TASP1: variants seen among roughly 807,000 people sequenced by gnomAD.
TASP1 encodes taspase 1.
A neutral mutation model predicts 56.6 loss-of-function variants in TASP1; 16 were observed. The ratio of observed to expected loss-of-function variants is 0.28; its 90% CI spans 0.19 to 0.43. The LOEUF is 0.43. Ranked by LOEUF, TASP1 falls within the 20% of genes least tolerant of loss-of-function variation. TASP1 has a pLI of 1.00. For synonymous variants in TASP1, 179 were observed against 184.2 expected, an observed-to-expected ratio of 0.97 and a Z score of 0.23; for missense variants, 393 against 511.6, an observed-to-expected ratio of 0.77 and a Z score of 2.24.
At chr20:13,273,967 A>C in the TASP1 span, among the ~76,000 whole-genome samples, 5 of 152,326 alleles carry the variant, frequency 3.3e-5, no homozygotes, top group Admixed American at 2.0e-4. Context: ...GGAAGACCAC[A>C]AAATGTTAGT....
chr20:13,116,259 A>T, the TASP1 span, among the ~76,000 whole-genome samples: 1 of 152,174 alleles, frequency 6.6e-6, no homozygotes, highest in African/African-American at 2.4e-5. Context: ...TAATTAGGGG[A>T]AAAAGGAGAC....
chr20:13,292,475 T>G, the TASP1 span: 1 of 1,556,132 alleles, frequency 6.4e-7, no homozygotes, highest in Non-Finnish European at 8.7e-7. Context: ...TAAGATTTTT[T>G]TCTTTTTTAA....
chr20:13,637,016 A>G (rs1395031656), intron 1 of TASP1, among the ~76,000 whole-genome samples: 1 of 152,240 alleles, frequency 6.6e-6, no homozygotes, highest in African/African-American at 2.4e-5. Flanking sequence ...CTGGAAAGGG[A>G]CTTACATTTA....
chr20:13,107,130 A>G, the TASP1 span, among the ~76,000 whole-genome samples: 1 of 152,278 alleles, frequency 6.6e-6, no homozygotes, highest in Admixed American at 6.5e-5. Context: ...TGGGTTCCAG[A>G]CCCCAGGGAT....
intron 4 of TASP1, among the ~76,000 whole-genome samples, chr20:13,593,920 T>C (rs1051147000): frequency 1.2e-4 from 18 of 152,210 alleles, no homozygotes; most frequent in African/African-American, 4.3e-4. Context: ...CTGAGCCCCG[T>C]GTAGCCTAAC....
chr20:13,406,079 G>C (rs1162977532), intron 13 of TASP1, among the ~76,000 whole-genome samples: 2 of 152,130 alleles, frequency 1.3e-5, no homozygotes, highest in African/African-American at 4.8e-5. Context: ...GATTATAGTA[G>C]CTTAACAGTA....
At chr20:13,338,490 T>A in the TASP1 span, among the ~76,000 whole-genome samples, 1 of 152,162 alleles carries the variant, frequency 6.6e-6, no homozygotes, top group African/African-American at 2.4e-5. Context: ...GCCCAGTAGG[T>A]CTCAGTCTTA....
chr20:13,586,974 A>G lies in TASP1; in HGVS notation c.403+276T>C, dbSNP rs1432781007. Among the ~76,000 whole-genome samples the G allele has an allele frequency of 2.0e-5, 3 of 152,098 alleles. No homozygotes were observed. The East Asian group carries it at 5.8e-4, about 29-fold the overall frequency. On this transcript the variant is annotated intron_variant, in intron 5 of 13. Coordinates refer to ENST00000337743, the MANE Select transcript of TASP1 (RefSeq NM_017714.3). ...TATATTACCTGAAATTTTTTACAAC[A>G]AAAAATATAGTGTGTATTTCAAATT... is the stretch of plus-strand genomic sequence containing the variant.
chr20:13,501,592 G>A lies in TASP1; in HGVS notation c.875-18255C>T, dbSNP rs148735288. On this transcript the variant is annotated intron_variant, in intron 10 of 13. Transcript: ENST00000337743. ...CATAGAATGATGGCAAAATATTTACGGAGAAGAAAAGAACAATAAAACGAA... is the reference window on the plus strand; with the variant it reads ...CATAGAATGATGGCAAAATATTTACAGAGAAGAAAAGAACAATAAAACGAA... Among the ~76,000 whole-genome samples the A allele has an allele frequency of 9.4e-3, 1,423 of 151,710 alleles. 11 individuals carry two copies. Among genetic ancestry groups the A allele is most frequent in the Admixed American group, 0.018 (271 of 15,224 alleles).
intron 11 of TASP1, among the ~76,000 whole-genome samples, chr20:13,478,845 G>T (rs1600934802): frequency 6.6e-6 from 1 of 152,060 alleles, no homozygotes; most frequent in Admixed American, 6.6e-5. Context: ...TTAGTTAAAA[G>T]AATATAGAGA....
chr20:13,243,527 C>A, the TASP1 span, among the ~76,000 whole-genome samples: 2 of 152,152 alleles, frequency 1.3e-5, no homozygotes, highest in African/African-American at 4.8e-5. Context: ...TTAGGGCTGT[C>A]CTCTTAGCTG....
the TASP1 span, among the ~76,000 whole-genome samples, chr20:13,249,514 C>A: frequency 6.6e-6 from 1 of 152,180 alleles, no homozygotes; most frequent in East Asian, 1.9e-4. Flanking sequence ...TGTTTTGGCC[C>A]AAAGGAAACA....
the TASP1 span, chr20:13,117,387 T>C: frequency 1.0e-6 from 1 of 993,064 alleles, no homozygotes; most frequent in East Asian, 2.6e-5. Context: ...AAAACATGCC[T>C]TCAGAACAAA....
chr20:13,536,242 G>T (rs139020526), intron 8 of TASP1, among the ~76,000 whole-genome samples: 1 of 152,186 alleles, frequency 6.6e-6, no homozygotes, highest in Non-Finnish European at 1.5e-5. Context: ...TATGCTGATG[G>T]TCTAACAGCA....
At chr20:13,425,838 C>T (rs780022485) in intron 12 of TASP1, among the ~76,000 whole-genome samples, 2 of 151,960 alleles carry the variant, frequency 1.3e-5, no homozygotes, top group African/African-American at 2.4e-5. Context: ...AATGCAAAGA[C>T]GCTTTACTGT....
intron 1 of TASP1, 57 bp downstream of exon 1, chr20:13,638,837 A>AGGCAGCAGCGCGGAGGC (rs2049412782): frequency 6.5e-6 from 1 of 152,864 alleles, no homozygotes. Flanking sequence ...CCACACACAG[A>AGGCAGCAGCGCGGAGGC]GGCAGCAGCG....
At chr20:13,166,671 C>T in the TASP1 span, 2 of 152,276 alleles carry the variant, frequency 1.3e-5, no homozygotes, top group African/African-American at 2.4e-5. Context: ...AAATGCCTTG[C>T]GTTCTATAAA....
At chr20:13,337,629 C>T in the TASP1 span, among the ~76,000 whole-genome samples, 1 of 152,220 alleles carries the variant, frequency 6.6e-6, no homozygotes, top group African/African-American at 2.4e-5. Flanking sequence ...GGCGGTTCAT[C>T]AGACAGGTTC....
the TASP1 span, among the ~76,000 whole-genome samples, chr20:13,184,140 G>T: frequency 6.6e-6 from 1 of 151,974 alleles, no homozygotes; most frequent in Non-Finnish European, 1.5e-5. Context: ...TTCACTAGGT[G>T]CCAAGCACTG....
Sources: allele counts gnomAD v4.1 joint callset (sites outside exome capture counted in the v4.1 genomes callset), GRCh38; gene constraint gnomAD v4.1.1; transcripts MANE v1.5; gene names NCBI Gene and HGNC (gene_info 2026-07-23, HGNC 2026-07-21).